TOP2A: variants seen among roughly 807,000 people sequenced by gnomAD.
TOP2A encodes DNA topoisomerase 2-alpha.
A neutral mutation model predicts 187.2 loss-of-function variants in TOP2A; 68 were observed. The ratio of observed to expected loss-of-function variants is 0.36; its 90% CI spans 0.30 to 0.44. TOP2A has a LOEUF of 0.44. TOP2A is among the 20% of genes least tolerant of loss of function. The pLI, the probability that TOP2A is intolerant of heterozygous loss-of-function variation, is 1.00. For synonymous variants in TOP2A, 542 were observed against 593.2 expected, an observed-to-expected ratio of 0.91 and a Z score of 1.25; for missense variants, 1,196 against 1,808.7, an observed-to-expected ratio of 0.66 and a Z score of 6.14.
At position 40,401,029 on chromosome 17, in the gene TOP2A, A is replaced by G. The variant is rs2035173813; in HGVS notation, c.2485T>C (p.Leu829=). The G allele has an allele frequency of 6.2e-7, 1 of 1,614,016 alleles. No homozygotes were observed. ...TCAACACGCTGGTTGTCATCATATA[A>G]AAACTTCAACGTGTGATCATCTTTT... ...PPKDDHTLKF[L]YDDNQRVEPE... is the part of the protein sequence containing the mutation. The change falls in exon 21 of 35, where the codon TTA becomes CTA. Residue 829 remains leucine (L), a synonymous_variant. Transcript: ENST00000423485.
chr17:40,400,135 A>C (rs2035157796), intron 23 of TOP2A, 68 bp from the exon 24 acceptor site: 1 of 1,583,026 alleles, frequency 6.3e-7, no homozygotes, highest in Non-Finnish European at 8.6e-7. Context: ...AGGTAGACTA[A>C]GATATACTTT....
chr17:40,413,201 G>T lies in TOP2A; in HGVS notation c.570C>A (p.Phe190Leu). ...ETASREYKKM[F>L]KQTWMDNMGR... is the part of the protein sequence containing the mutation. ...AAGACACTTATTTACTTGCCTGTTT[G>T]AACATTTTCTTGTATTCTCTACTGG... Residue 190 changes from phenylalanine (F) to leucine (L), a missense_variant, in exon 6 of 35, where the codon TTC becomes TTA. Transcript: ENST00000423485. 6.4e-7 allele frequency: 1 copy of T among 1,555,784 alleles called. No homozygotes were observed. Among genetic ancestry groups the T allele is most frequent in the South Asian group, 1.2e-5 (1 of 84,456 alleles).
intron 19 of TOP2A, among the ~76,000 whole-genome samples, 163 bp from the exon 20 acceptor site, chr17:40,403,217 G>A (rs2035202500): frequency 6.6e-6 from 1 of 152,092 alleles, no homozygotes; most frequent in Admixed American, 6.6e-5. Context: ...ACAACTTCTG[G>A]CTCCAAGTTT....
At position 40,398,652 on chromosome 17, in the gene TOP2A, T is replaced by C; in HGVS notation, c.3454-11A>G. On this transcript the variant is annotated splice_polypyrimidine_tract_variant and intron_variant, in intron 26 of 34. Coordinates refer to ENST00000423485, the MANE Select transcript of TOP2A (RefSeq NM_001067.4). ...GTCCAGCTCTTGTTCCTTCATAAGA[T>C]AATTACAAAATTGAGTTAATATATG... The C allele has an allele frequency of 6.2e-7, 1 of 1,600,364 alleles. No individual in the cohort carries two copies. Among genetic ancestry groups the C allele is most frequent in the Non-Finnish European group, 8.5e-7 (1 of 1,174,114 alleles).
intron 4 of TOP2A, among the ~76,000 whole-genome samples, chr17:40,415,578 T>C (rs964951632): frequency 6.6e-6 from 1 of 152,246 alleles, no homozygotes; most frequent in Non-Finnish European, 1.5e-5. Flanking sequence ...AAACTCCAGA[T>C]GCCAGAATAC....
chr17:40,409,236 G>A (rs1305996848), intron 10 of TOP2A: 24 of 278,516 alleles, frequency 8.6e-5, no homozygotes, highest in Admixed American at 4.6e-5. Context: ...GCCAGGCATG[G>A]TGGTGGTGAA....
intron 10 of TOP2A, chr17:40,409,869 C>A: frequency 6.1e-6 from 1 of 164,486 alleles, no homozygotes; most frequent in Non-Finnish European, 1.3e-5. Context: ...CATTTGAGGT[C>A]AGGAGTTTGA....
intron 19 of TOP2A, 32 bp from the exon 20 acceptor site, chr17:40,403,086 G>T: frequency 1.1e-5 from 17 of 1,562,820 alleles, no homozygotes; most frequent in Admixed American, 1.9e-5. Context: ...TTAAGCTGAG[G>T]CTTTTACTAA....
At chr17:40,412,425 C>T (rs1490109073) in intron 7 of TOP2A, among the ~76,000 whole-genome samples, 1 of 152,118 alleles carries the variant, frequency 6.6e-6, no homozygotes, top group Admixed American at 6.5e-5. Context: ...ACGGGTGGAT[C>T]ATGAGGTCTG....
intron 28 of TOP2A, among the ~76,000 whole-genome samples, chr17:40,396,039 G>A (rs2035092936): frequency 6.7e-6 from 1 of 149,618 alleles, no homozygotes; most frequent in Non-Finnish European, 1.5e-5. Flanking sequence ...GAGTGCAGTG[G>A]TGTGACCTTG....
At chr17:40,409,240 T>A in intron 10 of TOP2A, 1 of 216,050 alleles carries the variant, frequency 4.6e-6, no homozygotes, top group Non-Finnish European at 8.6e-6. Context: ...GGCATGGTGG[T>A]GGTGAAATGG....
At position 40,408,544 on chromosome 17, in the gene TOP2A, T is replaced by C. The variant is rs2035276403; in HGVS notation, c.1290A>G (p.Val430=). Residue 430 remains valine, a synonymous_variant, in exon 11 of 35, where the codon GTA becomes GTG. Coordinates refer to ENST00000423485, the MANE Select transcript of TOP2A (RefSeq NM_001067.4). ...QVQLNKKCSA[V]KHNRIKGIPK... ...GAATTCCCTTGATTCTATTATGTTTTACAGCTGAACACTTCTTGTTTAACT... is the reference window on the plus strand; with the variant it reads ...GAATTCCCTTGATTCTATTATGTTTCACAGCTGAACACTTCTTGTTTAACT... 3 of 1,613,884 alleles carry C rather than the reference T, an allele frequency of 1.9e-6. No individual in the cohort carries two copies. Among genetic ancestry groups the C allele is most frequent in the Non-Finnish European group, 8.5e-7 (1 of 1,179,818 alleles).
intron 24 of TOP2A, 61 bp downstream of exon 24, chr17:40,399,811 G>A (rs770272091): frequency 6.9e-7 from 1 of 1,441,446 alleles, no homozygotes; most frequent in Non-Finnish European, 9.3e-7. Flanking sequence ...CACCAAAAAT[G>A]TTTAAAGAAA....
At chr17:40,395,281 C>CAA (rs755789593) in intron 29 of TOP2A, among the ~76,000 whole-genome samples, 168 bp downstream of exon 29, 4,164 of 51,614 alleles carry the variant, frequency 0.081, 110 homozygotes, top group Non-Finnish European at 0.1. Flanking sequence ...GAAACTGTCT[C>CAA]AAAAAAAAAA....
At chr17:40,395,421 T>C in intron 29 of TOP2A, 28 bp downstream of exon 29, 4 of 1,463,208 alleles carry the variant, frequency 2.7e-6, no homozygotes, top group Non-Finnish European at 2.8e-6. Flanking sequence ...CTTCACTTTA[T>C]ACCATTTTTC....
intron 10 of TOP2A, chr17:40,409,568 G>A (rs2035293949): frequency 2.5e-6 from 1 of 399,800 alleles, no homozygotes; most frequent in African/African-American, 2.1e-5. Flanking sequence ...AGACCAGCCT[G>A]GCCAACATGG....
chr17:40,416,916 GAGAA>G, intron 1 of TOP2A, 21 bp from the exon 2 acceptor site: 1 of 1,563,572 alleles, frequency 6.4e-7, no homozygotes, highest in African/African-American at 1.4e-5. Context: ...AAAAAAAAGA[GAGAA>G]AGAAGGGAAT....
At chr17:40,407,446 G>C in intron 13 of TOP2A, 103 bp downstream of exon 13, 1 of 900,160 alleles carries the variant, frequency 1.1e-6, no homozygotes, top group Non-Finnish European at 1.6e-6. Context: ...GATGAATAAA[G>C]CTCCTATTTA....
chr17:40,404,438 G>A lies in TOP2A; in HGVS notation c.2100C>T (p.Asn700=). Residue 700 remains asparagine (N), a synonymous_variant, in exon 18 of 35, where the codon AAC becomes AAT. Transcript: ENST00000423485. ...AATTTGAGAACAAGATAAGTTCCTT[G>A]TTGATGAAGTCATTATATGTCAGAT... is the stretch of plus-strand genomic sequence containing the variant. ...TTYLTYNDFI[N]KELILFSNSD... 6.2e-7 allele frequency: 1 copy of A among 1,612,198 alleles called. No homozygotes were observed. The highest frequency in any genetic ancestry group is 1.1e-5 in the South Asian group (1 of 90,896).
Sources: allele counts gnomAD v4.1 joint callset (sites outside exome capture counted in the v4.1 genomes callset), GRCh38; gene constraint gnomAD v4.1.1; transcripts MANE v1.5; gene names NCBI Gene and HGNC (gene_info 2026-07-23, HGNC 2026-07-21).